The following CHURC1 variants were observed in gnomAD, a reference collection of about 807,000 sequenced individuals.
The protein encoded by CHURC1 is protein Churchill.
CHURC1 carries 12 observed loss-of-function variants against 15.4 expected under a neutral mutation model. The ratio of observed to expected loss-of-function variants is 0.78; its 90% CI spans 0.50 to 1.27. The LOEUF is 1.27. CHURC1 is among the 50% of genes most tolerant of loss of function. CHURC1 has a pLI of 0.00. For missense variants in CHURC1, 132 were observed against 137.8 expected (o/e 0.96, Z 0.21); for synonymous variants, 42 against 47.5 (o/e 0.88, Z 0.48).
Position 64,924,129 on chromosome 14 carries a change from A to G in CHURC1, c.175+3A>G. 1.2e-6 allele frequency: 2 copies of G among 1,601,526 alleles called. No individual in the cohort carries two copies. The highest frequency in any genetic ancestry group is 1.7e-6 in the Non-Finnish European group (2 of 1,173,534). On this transcript the variant is annotated splice_donor_region_variant and intron_variant, in intron 2 of 3. Transcript: ENST00000549115. ...AGAAGAAATAGTTACCTATGATCGT[A>G]AGTAGACTTTATTTTTTAACCTGAG...
chr14:64,923,469 T>G (rs915110845), intron 1 of CHURC1, among the ~76,000 whole-genome samples: 2 of 152,206 alleles, frequency 1.3e-5, no homozygotes, highest in African/African-American at 4.8e-5. Context: ...CCTTAAGGAC[T>G]GACATCTATA....
At chr14:64,922,237 G>T (rs1884355447) in intron 1 of CHURC1, among the ~76,000 whole-genome samples, 1 of 151,942 alleles carries the variant, frequency 6.6e-6, no homozygotes, top group Non-Finnish European at 1.5e-5. Context: ...CCCTTACAGT[G>T]TGTGAATTTT....
intron 3 of CHURC1, among the ~76,000 whole-genome samples, chr14:64,927,129 G>A (rs1397697593): frequency 6.6e-6 from 1 of 152,160 alleles, no homozygotes; most frequent in Non-Finnish European, 1.5e-5. Flanking sequence ...TTCCATAGCA[G>A]AATCATAAGA....
chr14:64,925,593 A>T (rs1355751533), intron 2 of CHURC1, among the ~76,000 whole-genome samples: 1 of 146,756 alleles, frequency 6.8e-6, no homozygotes, highest in Non-Finnish European at 1.5e-5. Flanking sequence ...GCTACTCAGG[A>T]GGCTGATTTG....
chr14:64,924,728 A>G (rs1480649185), intron 2 of CHURC1, among the ~76,000 whole-genome samples: 1 of 152,178 alleles, frequency 6.6e-6, no homozygotes, highest in Admixed American at 6.5e-5. Flanking sequence ...CAAATAAACT[A>G]TGTATAAAAA....
At chr14:64,932,070 C>G in intron 3 of CHURC1, 68 bp from the exon 4 acceptor site, 1 of 1,555,820 alleles carries the variant, frequency 6.4e-7, no homozygotes, top group Non-Finnish European at 8.7e-7. Context: ...AACATCTTAA[C>G]TAGAGTAAGT....
chr14:64,924,792 T>C (rs1175638771), intron 2 of CHURC1, among the ~76,000 whole-genome samples: 1 of 152,228 alleles, frequency 6.6e-6, no homozygotes, highest in African/African-American at 2.4e-5. Flanking sequence ...ATATGTATAC[T>C]TCAGTGCCCA....
Position 64,932,249 on chromosome 14 carries a change from G to GT in CHURC1, c.*21dup. 3 of 1,612,674 alleles carry GT rather than the reference G, an allele frequency of 1.9e-6. No individual in the cohort carries two copies. Among genetic ancestry groups the GT allele is most frequent in the Non-Finnish European group, 2.5e-6 (3 of 1,179,162 alleles). On this transcript the variant is annotated 3_prime_UTR_variant, in exon 4 of 4. Transcript: ENST00000549115. Reference sequence around the variant, plus strand: ...ATTCTAAGGATCCTTCTACAGATCTGTTATAACTATATTGTGTTGGTTTAC... The same window carrying GT: ...ATTCTAAGGATCCTTCTACAGATCTGTTTATAACTATATTGTGTTGGTTTAC...
chr14:64,915,582 G>A (rs902107887), intron 1 of CHURC1, among the ~76,000 whole-genome samples: 3 of 152,202 alleles, frequency 2.0e-5, no homozygotes, highest in Non-Finnish European at 4.4e-5. Flanking sequence ...TGGTTGGGAA[G>A]GAGGGAGAAA....
intron 1 of CHURC1, among the ~76,000 whole-genome samples, chr14:64,917,627 T>C (rs1216510796): frequency 3.9e-5 from 6 of 152,084 alleles, no homozygotes; most frequent in Non-Finnish European, 8.8e-5. Flanking sequence ...GGCATGCACC[T>C]GTAGTCCTAG....
In CHURC1 at chr14:64,932,280, A is replaced by G; in HGVS notation, c.*50A>G. 2 of 1,593,084 alleles carry G rather than the reference A, an allele frequency of 1.3e-6. No homozygotes were observed. The highest frequency in any genetic ancestry group is 1.7e-5 in the Admixed American group (1 of 57,568). On this transcript the variant is annotated 3_prime_UTR_variant, in exon 4 of 4. Coordinates refer to ENST00000549115, the MANE Select transcript of CHURC1 (RefSeq NM_001386928.1). The stretch of plus-strand genomic sequence containing the variant: ...ACTATATTGTGTTGGTTTACAATAC[A>G]GCAAGCCTGATGGTTTGTCTTATTT...
At chr14:64,914,799 C>G (rs1009732599) in intron 1 of CHURC1, among the ~76,000 whole-genome samples, 4 of 152,220 alleles carry the variant, frequency 2.6e-5, no homozygotes, top group Admixed American at 2.0e-4. Context: ...ACCACAACCC[C>G]CGTCGACAAC....
rs567436734 is a variant in CHURC1, at chr14:64,916,800, G to A, written c.39+2266G>A. On this transcript the variant is annotated intron_variant, in intron 1 of 3. Transcript: ENST00000549115. ...TCGCCTTGTTAGCCAGGATGGTCTC[G>A]ATCTCCTGACCTCGTGATCCACCTG... Among the ~76,000 whole-genome samples, 3 of 152,130 alleles carry A rather than the reference G, an allele frequency of 2.0e-5. No homozygotes were observed. In the South Asian group the frequency reaches 6.2e-4, roughly 32 times the overall value.
At chr14:64,916,584 G>A (rs1388530895) in intron 1 of CHURC1, among the ~76,000 whole-genome samples, 1 of 151,948 alleles carries the variant, frequency 6.6e-6, no homozygotes, top group Non-Finnish European at 1.5e-5. Flanking sequence ...TTTTGTTGTT[G>A]TTTTTGTTTT....
Position 64,933,725 on chromosome 14 carries a change from A to G in CHURC1, c.*1495A>G, listed in dbSNP as rs997826173. 2.0e-6 allele frequency: 2 copies of G among 985,364 alleles called. No homozygotes were observed. The highest frequency in any genetic ancestry group is 1.7e-5 in the African/African-American group (1 of 57,252). The allele number at this position is 985,364 out of a possible 1,614,324, so 61.0% of individuals were successfully genotyped here. On this transcript the variant is annotated 3_prime_UTR_variant, in exon 4 of 4. Transcript: ENST00000549115. ...ATTAGAAACAAAAGTGTTTCTTCAT[A>G]TCTAGGAGATTTGGAAATTCTGAAC...
intron 1 of CHURC1, among the ~76,000 whole-genome samples, chr14:64,917,740 A>G (rs961938819): frequency 6.6e-6 from 1 of 152,234 alleles, no homozygotes; most frequent in African/African-American, 2.4e-5. Flanking sequence ...AAAAGAATTA[A>G]CAAGATTCAA....
intron 1 of CHURC1, among the ~76,000 whole-genome samples, chr14:64,915,598 T>C (rs1287664319): frequency 6.6e-6 from 1 of 152,222 alleles, no homozygotes; most frequent in East Asian, 1.9e-4. Flanking sequence ...AGAAAGTCTC[T>C]GTAGTTCCTT....
intron 1 of CHURC1, 91 bp from the exon 2 acceptor site, chr14:64,923,900 G>A: frequency 1.7e-6 from 2 of 1,145,220 alleles, no homozygotes; most frequent in Non-Finnish European, 2.2e-6. Flanking sequence ...TTTTAGTTTT[G>A]TTTTGCCTTT....
At chr14:64,921,653 C>T (rs902724880) in intron 1 of CHURC1, among the ~76,000 whole-genome samples, 1 of 152,102 alleles carries the variant, frequency 6.6e-6, no homozygotes, top group Non-Finnish European at 1.5e-5. Context: ...AAAAGCAGTA[C>T]CTAGTATTGA....
Sources: allele counts gnomAD v4.1 joint callset (sites outside exome capture counted in the v4.1 genomes callset), GRCh38; gene constraint gnomAD v4.1.1; transcripts MANE v1.5; gene names NCBI Gene and HGNC (gene_info 2026-07-23, HGNC 2026-07-21).